DNAH9: variants seen among roughly 807,000 people sequenced by gnomAD.
DNAH9 encodes DNAH9 variant protein.
DNAH9 carries 345 observed loss-of-function variants against 471.6 expected under a neutral mutation model. That is an observed-to-expected ratio of 0.73 (90% CI 0.67 to 0.80). The LOEUF (loss-of-function observed/expected upper bound fraction) is 0.80, where lower values mean the gene tolerates loss of function less well. Among genes scored for constraint, DNAH9 ranks in the 30% least tolerant of loss-of-function variants. The pLI is 0.00. For missense variants in DNAH9, 5,407 were observed against 5,609.2 expected (o/e 0.96, Z 1.15); for synonymous variants, 2,093 against 2,123.6 (o/e 0.99, Z 0.40).
intron 32 of DNAH9, among the ~76,000 whole-genome samples, chr17:11,749,409 G>A (rs189351973): frequency 2.6e-5 from 4 of 152,108 alleles, no homozygotes; most frequent in Admixed American, 1.3e-4. Context: ...ATATATCAAA[G>A]ATATTAACCC....
At chr17:11,794,680 C>A (rs1460901503) in intron 42 of DNAH9, among the ~76,000 whole-genome samples, 1 of 152,142 alleles carries the variant, frequency 6.6e-6, no homozygotes, top group African/African-American at 2.4e-5. Context: ...TGGGGTCTGA[C>A]CAAAACCAAG....
chr17:11,909,580 G>A (rs1450751908), intron 61 of DNAH9, among the ~76,000 whole-genome samples: 4 of 151,996 alleles, frequency 2.6e-5, no homozygotes, highest in Non-Finnish European at 4.4e-5. Context: ...TGCACATATG[G>A]TGCATCCCCT....
chr17:11,738,377 A>G (rs2075381982), intron 28 of DNAH9, among the ~76,000 whole-genome samples: 1 of 151,944 alleles, frequency 6.6e-6, no homozygotes, highest in Non-Finnish European at 1.5e-5. Context: ...GGGCAGCCAG[A>G]TTCATTTTTC....
chr17:11,639,213 A>G (rs920044849), intron 9 of DNAH9, among the ~76,000 whole-genome samples: 2 of 152,224 alleles, frequency 1.3e-5, no homozygotes, highest in South Asian at 4.1e-4. Flanking sequence ...GTCATCTTAG[A>G]GTTTTGCCTA....
At position 11,727,892 on chromosome 17, in the gene DNAH9, C is replaced by T. The variant is rs751504822; in HGVS notation, c.5784C>T (p.Ser1928=). ...WGCFDEFNRI[S]VEVLSVVAVQ... is the part of the protein sequence containing the mutation. ...GCTTTGATGAGTTTAATCGAATCTC[C>T]GTGGAGGTCTTGTCAGTGGTGGCAG... The change falls in exon 28 of 69, where the codon TCC becomes TCT. Residue 1928 remains serine (S), a synonymous_variant. Transcript: ENST00000262442. The T allele has an allele frequency of 8.7e-6, 14 of 1,613,896 alleles. No homozygotes were observed. The highest frequency in any genetic ancestry group is 2.2e-5 in the South Asian group (2 of 91,076).
chr17:11,818,604 C>T (rs1970195513), intron 45 of DNAH9, among the ~76,000 whole-genome samples: 1 of 152,056 alleles, frequency 6.6e-6, no homozygotes, highest in Admixed American at 6.6e-5. Flanking sequence ...TGGAAAACAA[C>T]TTTAAAGAAG....
At chr17:11,873,186 T>C (rs1972349647) in intron 52 of DNAH9, among the ~76,000 whole-genome samples, 1 of 152,162 alleles carries the variant, frequency 6.6e-6, no homozygotes, top group African/African-American at 2.4e-5. Flanking sequence ...AAAAAGGAAA[T>C]TGTTGAAGGA....
intron 59 of DNAH9, among the ~76,000 whole-genome samples, chr17:11,897,306 T>C (rs940398828): frequency 1.3e-5 from 2 of 152,228 alleles, no homozygotes; most frequent in African/African-American, 4.8e-5. Context: ...TTCCATAAAA[T>C]TGATTGATTC....
intron 12 of DNAH9, among the ~76,000 whole-genome samples, chr17:11,650,549 A>G (rs2073484373): frequency 6.6e-6 from 1 of 152,192 alleles, no homozygotes; most frequent in African/African-American, 2.4e-5. Flanking sequence ...GGATATTCCA[A>G]ATGATTACAT....
At chr17:11,946,661 C>G (rs1975135436) in intron 67 of DNAH9, among the ~76,000 whole-genome samples, 3 of 85,090 alleles carry the variant, frequency 3.5e-5, no homozygotes, top group Admixed American at 1.3e-4. Flanking sequence ...AAGACTCCAT[C>G]TCAAAAAAAA....
chr17:11,629,807 C>G (rs898096116), intron 7 of DNAH9, among the ~76,000 whole-genome samples: 1 of 152,224 alleles, frequency 6.6e-6, no homozygotes, highest in Non-Finnish European at 1.5e-5. Flanking sequence ...AAGGAGGCCT[C>G]TTCCAACTGT....
intron 54 of DNAH9, among the ~76,000 whole-genome samples, chr17:11,880,704 TATC>T (rs1972685321): frequency 6.6e-6 from 1 of 152,062 alleles, no homozygotes; most frequent in Admixed American, 6.6e-5. Flanking sequence ...GCAGAGTAAT[TATC>T]ATGAAGGGGT....
intron 1 of DNAH9, among the ~76,000 whole-genome samples, chr17:11,602,489 C>T (rs1451763778): frequency 2.0e-5 from 3 of 152,126 alleles, no homozygotes; most frequent in Non-Finnish European, 4.4e-5. Flanking sequence ...CCTCCTTGTT[C>T]CTCCTTGCTG....
intron 22 of DNAH9, among the ~76,000 whole-genome samples, chr17:11,697,236 A>G (rs1010651241): frequency 6.6e-6 from 1 of 152,220 alleles, no homozygotes; most frequent in African/African-American, 2.4e-5. Flanking sequence ...GAGGTGAAGC[A>G]TGGTGGAATA....
At chr17:11,766,127 C>T (rs1967925886) in intron 36 of DNAH9, among the ~76,000 whole-genome samples, 1 of 152,064 alleles carries the variant, frequency 6.6e-6, no homozygotes, top group Non-Finnish European at 1.5e-5. Flanking sequence ...ACATCCCAGA[C>T]CCCTACACTG....
chr17:11,669,491 A>G lies in DNAH9; in HGVS notation c.3050A>G (p.Tyr1017Cys), dbSNP rs139596704. 1.8e-3 allele frequency: 2,977 copies of G among 1,614,124 alleles called. 75 individuals carry two copies. The Admixed American group carries it at 0.044, about 24-fold the overall frequency. Residue 1017 changes from tyrosine (Y) to cysteine (C), a missense_variant, in exon 17 of 69, where the codon TAT (tyrosine) becomes TGT (cysteine). By Grantham distance (194) the Tyr-to-Cys change is radical. Coordinates refer to ENST00000262442, the MANE Select transcript of DNAH9 (RefSeq NM_001372.4). ...ACCTTCAGCCAGTATTCGTACCTCT[A>G]TGTGGAGGACCGGAAGGAGGTTCTG... ...QSTFSQYSYL[Y>C]VEDRKEVLGQ... is the part of the protein sequence containing the mutation.
chr17:11,680,844 A>T lies in DNAH9; in HGVS notation c.3698A>T (p.Glu1233Val), dbSNP rs1262936629. ...CAGAGGTGCACAGCCTTCGATGCAG[A>T]ACAGCAGCAATTCTGGGAGCAATTC... is the stretch of plus-strand genomic sequence containing the variant. ...LRQRCTAFDAEQQQFWEQFHK... is the reference protein window; with the variant it reads ...LRQRCTAFDAVQQQFWEQFHK... Residue 1233 changes from glutamate to valine, a missense_variant, in exon 19 of 69, where the codon GAA (glutamate) becomes GTA (valine). By Grantham distance (121) the Glu-to-Val change is moderately radical. This residue lies in a region of DNAH9 where 4,636 missense variants were observed against 4,900.3 expected (regional missense o/e 0.95). Coordinates refer to ENST00000262442, the MANE Select transcript of DNAH9 (RefSeq NM_001372.4). 1 of 1,613,594 alleles carries T rather than the reference A, an allele frequency of 6.2e-7. No individual in the cohort carries two copies. Among genetic ancestry groups the T allele is most frequent in the South Asian group, 1.1e-5 (1 of 90,924 alleles).
At chr17:11,851,384 C>G (rs1037265524) in intron 49 of DNAH9, among the ~76,000 whole-genome samples, 1 of 151,804 alleles carries the variant, frequency 6.6e-6, no homozygotes, top group African/African-American at 2.4e-5. Flanking sequence ...CCCAAAGTAC[C>G]GGGATTACAG....
At chr17:11,739,082 T>G (rs757992667) in intron 29 of DNAH9, 45 bp downstream of exon 29, 1 of 1,505,412 alleles carries the variant, frequency 6.6e-7, no homozygotes, top group African/African-American at 1.4e-5. Flanking sequence ...AAAGAGAAGT[T>G]TCTTTCATTT....
Sources: gnomAD v4.1 joint callset for allele counts (sites outside exome capture counted in the v4.1 genomes callset) on GRCh38, gnomAD v4.1.1 for gene constraint, gnomAD v4.1.1 regional missense constraint, MANE v1.5 for transcripts, NCBI Gene and HGNC (gene_info 2026-07-23, HGNC 2026-07-21) for gene names.